The following CTIF variants were observed in gnomAD, a reference collection of about 807,000 sequenced individuals.
CTIF encodes the protein cap binding complex dependent translation initiation factor.
Under a neutral mutation model 66.0 loss-of-function variants are expected in CTIF, and 21 were observed. The ratio of observed to expected loss-of-function variants is 0.32; its 90% CI spans 0.23 to 0.46. The LOEUF (loss-of-function observed/expected upper bound fraction) is 0.46. Among genes scored for constraint, CTIF ranks in the 20% least tolerant of loss-of-function variants. The pLI is 1.00. For synonymous variants in CTIF, 345 were observed against 326.4 expected, an observed-to-expected ratio of 1.06 and a Z score of -0.62; for missense variants, 739 against 812.7, an observed-to-expected ratio of 0.91 and a Z score of 1.10.
Position 48,859,547 on chromosome 18 carries a change from A to ACTGACAGC in CTIF, c.1795_*5dup, listed in dbSNP as rs1365956021. 1.2e-6 allele frequency: 2 copies of ACTGACAGC among 1,613,844 alleles called. No individual in the cohort carries two copies. The highest frequency in any genetic ancestry group is 2.7e-5 in the African/African-American group (2 of 75,016). ...AGTACTACAACAGAACCATCCAGAA[A>ACTGACAGC]CTGACAGCCTGACAGCCAGGGGGCC... is the stretch of plus-strand genomic sequence containing the variant. On this transcript the variant is annotated frameshift_variant, in exon 12 of 12. Transcript: ENST00000256413. LOFTEE classifies it high-confidence loss of function.
At chr18:48,652,653 C>G (rs927222268) in intron 3 of CTIF, among the ~76,000 whole-genome samples, 1 of 152,076 alleles carries the variant, frequency 6.6e-6, no homozygotes, top group Non-Finnish European at 1.5e-5. Flanking sequence ...ATCCTGATAC[C>G]AAAGCCCGGC....
chr18:48,591,029 G>A (rs1448971265), intron 1 of CTIF, among the ~76,000 whole-genome samples: 1 of 152,208 alleles, frequency 6.6e-6, no homozygotes, highest in Non-Finnish European at 1.5e-5. Flanking sequence ...CCTGGGACCT[G>A]CTCTCTCAGG....
intron 10 of CTIF, among the ~76,000 whole-genome samples, chr18:48,823,180 G>A (rs961880447): frequency 1.3e-5 from 2 of 151,482 alleles, no homozygotes; most frequent in Non-Finnish European, 1.5e-5. Flanking sequence ...AATCCTACTT[G>A]TCTATTTTTG....
At chr18:48,570,563 A>C (rs976242387) in intron 1 of CTIF, among the ~76,000 whole-genome samples, 1 of 152,076 alleles carries the variant, frequency 6.6e-6, no homozygotes, top group African/African-American at 2.4e-5. Flanking sequence ...AGAGAATCAC[A>C]GGGCACTGGG....
intron 7 of CTIF, among the ~76,000 whole-genome samples, chr18:48,723,763 C>T (rs1033658368): frequency 2.6e-5 from 4 of 152,202 alleles, no homozygotes; most frequent in African/African-American, 7.2e-5. Context: ...CCTGGGTCGG[C>T]ATTTACCCTG....
intron 1 of CTIF, among the ~76,000 whole-genome samples, chr18:48,571,397 C>T (rs185653362): frequency 3.5e-3 from 537 of 152,318 alleles, no homozygotes; most frequent in Non-Finnish European, 5.7e-3. Flanking sequence ...ACCTCGTGAT[C>T]CACCCTCCTC....
In CTIF at chr18:48,616,718, A is replaced by G. The variant is rs527840596; in HGVS notation, c.-28-2820A>G. ...ACAGCAGACACTCGTCATTCCTACT[A>G]TTAGCAGAAATTGCAGCATTCATAC... On this transcript the variant is annotated intron_variant, in intron 1 of 11. Transcript: ENST00000256413. 6.6e-5 allele frequency among the ~76,000 whole-genome samples: 10 copies of G among 152,322 alleles called. No homozygotes were observed. In the East Asian group the frequency reaches 1.5e-3, roughly 24 times the overall value.
chr18:48,575,537 C>G (rs1404112556), intron 1 of CTIF, among the ~76,000 whole-genome samples: 2 of 152,230 alleles, frequency 1.3e-5, no homozygotes, highest in African/African-American at 4.8e-5. Context: ...GTGAGTGGAA[C>G]AGAGTTGCGG....
At chr18:48,817,063 C>G (rs1248725821) in intron 9 of CTIF, among the ~76,000 whole-genome samples, 158 bp from the exon 10 acceptor site, 1 of 152,172 alleles carries the variant, frequency 6.6e-6, no homozygotes, top group East Asian at 1.9e-4. Flanking sequence ...GTCCCAGCCA[C>G]AGAGAGTGCA....
chr18:48,646,943 A>G (rs1048978104), intron 3 of CTIF, among the ~76,000 whole-genome samples: 5 of 146,742 alleles, frequency 3.4e-5, no homozygotes, highest in African/African-American at 1.2e-4. Context: ...TGCAAGTACC[A>G]TATGATTTGA....
At chr18:48,773,350 T>C (rs1310666644) in intron 9 of CTIF, among the ~76,000 whole-genome samples, 1 of 152,180 alleles carries the variant, frequency 6.6e-6, no homozygotes. Context: ...AGAGGGAGCA[T>C]ATCCAGGCTT....
At chr18:48,699,125 A>G (rs1457859738) in intron 6 of CTIF, among the ~76,000 whole-genome samples, 1 of 151,944 alleles carries the variant, frequency 6.6e-6, no homozygotes, top group Non-Finnish European at 1.5e-5. Flanking sequence ...AGCTTCTTAG[A>G]TACCCCCGAG....
intron 1 of CTIF, among the ~76,000 whole-genome samples, chr18:48,590,316 G>A (rs750054267): frequency 2.0e-5 from 3 of 151,944 alleles, no homozygotes; most frequent in East Asian, 1.9e-4. Flanking sequence ...GCTGTGCAGC[G>A]CAGCTGGTGC....
chr18:48,678,100 G>C (rs1275374759), intron 6 of CTIF, among the ~76,000 whole-genome samples: 1 of 152,172 alleles, frequency 6.6e-6, no homozygotes, highest in African/African-American at 2.4e-5. Context: ...AGGAAGAGGT[G>C]CTGGAAAAAC....
At chr18:48,649,382 C>T (rs576034418) in intron 3 of CTIF, among the ~76,000 whole-genome samples, 1 of 152,376 alleles carries the variant, frequency 6.6e-6, no homozygotes, top group Admixed American at 6.5e-5. Flanking sequence ...ACCTGTGAGG[C>T]AGCAGCCTGG....
chr18:48,585,270 G>A (rs1354409269), intron 1 of CTIF, among the ~76,000 whole-genome samples: 1 of 152,254 alleles, frequency 6.6e-6, no homozygotes, highest in Non-Finnish European at 1.5e-5. Flanking sequence ...TTGAAATATA[G>A]GGATGGATAG....
Position 48,851,003 on chromosome 18 carries a change from C to T in CTIF, c.1528-6585C>T, listed in dbSNP as rs73956045. ...ACTTCCTTGAGAAAACCCAGCAGGCCGTTTGCAAGAGGGCCTCTCGCACAA... is the reference window on the plus strand; with the variant it reads ...ACTTCCTTGAGAAAACCCAGCAGGCTGTTTGCAAGAGGGCCTCTCGCACAA... On this transcript the variant is annotated intron_variant, in intron 10 of 11. Transcript: ENST00000256413. 9.1e-3 allele frequency among the ~76,000 whole-genome samples: 1,384 copies of T among 152,336 alleles called. 26 individuals are homozygous for T. Among genetic ancestry groups the T allele is most frequent in the African/African-American group, 0.031 (1,279 of 41,574 alleles).
At chr18:48,722,802 A>G (rs558879002) in intron 7 of CTIF, among the ~76,000 whole-genome samples, 1 of 151,544 alleles carries the variant, frequency 6.6e-6, no homozygotes, top group Non-Finnish European at 1.5e-5. Context: ...GCACCCGGCC[A>G]TACCCATCGG....
At chr18:48,669,799 A>AT (rs1376608090) in intron 5 of CTIF, among the ~76,000 whole-genome samples, 1 of 61,146 alleles carries the variant, frequency 1.6e-5, no homozygotes, top group Admixed American at 1.4e-4. Context: ...ACATTTATAT[A>AT]TATATATATA....
Sources: allele counts gnomAD v4.1 joint callset (sites outside exome capture counted in the v4.1 genomes callset), GRCh38; gene constraint gnomAD v4.1.1; transcripts MANE v1.5; gene names NCBI Gene and HGNC (gene_info 2026-07-23, HGNC 2026-07-21).